URB2: variants seen among roughly 807,000 people sequenced by gnomAD.
URB2 encodes unhealthy ribosome biogenesis protein 2 homolog.
Under a neutral mutation model 120.9 loss-of-function variants are expected in URB2, and 86 were observed. That is an observed-to-expected ratio of 0.71 (90% CI 0.60 to 0.85). URB2 has a LOEUF of 0.85. Ranked by LOEUF, URB2 falls within the 40% of genes least tolerant of loss-of-function variation. The pLI is 0.00. For missense variants in URB2, 1,765 were observed against 1,836.5 expected, an observed-to-expected ratio of 0.96 and a Z score of 0.71; for synonymous variants, 755 against 758.4, an observed-to-expected ratio of 1.00 and a Z score of 0.07.
intron 4 of URB2, among the ~76,000 whole-genome samples, chr1:229,643,306 CTG>C (rs2102791706): frequency 6.6e-6 from 1 of 152,372 alleles, no homozygotes; most frequent in African/African-American, 2.4e-5. Flanking sequence ...CTGTCGTCTT[CTG>C]TGTTTGTGTG....
chr1:229,627,625 A>T lies in URB2; in HGVS notation c.-9A>T. 6.2e-7 allele frequency: 1 copy of T among 1,604,900 alleles called. No homozygotes were observed. ...CCCATTGTTTTTAAATTTTAGATAA[A>T]GCCTAGCCATGGCTGCTGTTTATTC... is the stretch of plus-strand genomic sequence containing the variant. On this transcript the variant is annotated 5_prime_UTR_variant, in exon 2 of 10. The change creates a new upstream start codon in the 5' untranslated region. Transcript: ENST00000258243.
rs200673217 is a variant in URB2, at chr1:229,645,855, C to T, written c.3796-4C>T. ...GCCGCTAAGTTTTTTCTCTCTTGCCCCAGGCTGTTGTGTCAGCTGTTACAC... is the reference window on the plus strand; with the variant it reads ...GCCGCTAAGTTTTTTCTCTCTTGCCTCAGGCTGTTGTGTCAGCTGTTACAC... On this transcript the variant is annotated splice_region_variant and splice_polypyrimidine_tract_variant and intron_variant, in intron 5 of 9. Coordinates refer to ENST00000258243, the MANE Select transcript of URB2 (RefSeq NM_014777.4). The T allele has an allele frequency of 2.0e-5, 33 of 1,613,648 alleles. No individual in the cohort carries two copies. Among genetic ancestry groups the T allele is most frequent in the Admixed American group, 1.0e-4 (6 of 59,988 alleles).
Position 229,635,928 on chromosome 1 carries a change from G to A in URB2, c.1315G>A (p.Glu439Lys), listed in dbSNP as rs764093845. Residue 439 changes from glutamate to lysine, a missense_variant, in exon 4 of 10, where the codon GAG (glutamate) becomes AAG (lysine). Physicochemically the swap from Glu to Lys is moderately conservative, Grantham distance 56. Transcript: ENST00000258243. ...DLLASAWIDA[E>K]VTEFRTKKAQ... is the part of the protein sequence containing the mutation. The stretch of plus-strand genomic sequence containing the variant: ...GCTGGCTTCAGCGTGGATCGATGCC[G>A]AGGTAACAGAGTTTCGAACCAAAAA... The A allele has an allele frequency of 3.2e-5, 52 of 1,614,094 alleles. No homozygotes were observed. The highest frequency in any genetic ancestry group is 8.9e-5 in the East Asian group (4 of 44,902).
chr1:229,631,330 A>G (rs531211807), intron 2 of URB2, among the ~76,000 whole-genome samples: 3 of 152,238 alleles, frequency 2.0e-5, no homozygotes, highest in Non-Finnish European at 1.5e-5. Flanking sequence ...AACTTTCTCC[A>G]TATCAGCAAT....
rs767394794 is a variant in URB2 at position 229,637,520 on chromosome 1, T to A, written c.2907T>A (p.Asp969Glu). 6.2e-7 allele frequency: 1 copy of A among 1,614,086 alleles called. No homozygotes were observed. ...TGTTCAAGATCATGTATGGTAGTGA[T>A]ATTTTTGAGGTTGTACTGACCTCAT... ...RSVFKIMYGS[D>E]IFEVVLTSLF... The change falls in exon 4 of 10, where the codon GAT becomes GAA. Residue 969 changes from aspartate to glutamate, a missense_variant. Physicochemically the swap from Asp to Glu is conservative, Grantham distance 45 (BLOSUM62 2). Transcript: ENST00000258243.
In URB2 at chr1:229,637,660, A is replaced by T. The variant is rs939798245; in HGVS notation, c.3047A>T (p.Lys1016Met). The change falls in exon 4 of 10, where the codon AAG (lysine) becomes ATG (methionine). Residue 1016 changes from lysine to methionine, a missense_variant. Physicochemically the swap from Lys to Met is moderately conservative, Grantham distance 95. Transcript: ENST00000258243. ...EELMQMLIQMKLSLVLNFRKI... is the reference protein window; with the variant it reads ...EELMQMLIQMMLSLVLNFRKI... ...CTAATGCAGATGCTCATCCAAATGAAGCTGAGCTTGGTGCTCAATTTTAGA... is the reference window on the plus strand; with the variant it reads ...CTAATGCAGATGCTCATCCAAATGATGCTGAGCTTGGTGCTCAATTTTAGA... 22 of 1,614,128 alleles carry T rather than the reference A, an allele frequency of 1.4e-5. No individual in the cohort carries two copies. In the African/African-American group the frequency reaches 2.1e-4, roughly 16 times the overall value.
rs148780543 is a variant in URB2, at chr1:229,645,889, C to T, written c.3826C>T (p.Leu1276=). The T allele has an allele frequency of 6.8e-6, 11 of 1,614,062 alleles. No homozygotes were observed. In the East Asian group the frequency reaches 1.8e-4, roughly 26 times the overall value. The change falls in exon 6 of 10, where the codon CTG becomes TTG. Residue 1276 remains leucine, a synonymous_variant. Transcript: ENST00000258243. ...AVVSAVTLLR[L]LLNCPLSGEK... Reference sequence around the variant, plus strand: ...TGTGTCAGCTGTTACACTGCTGAGGCTGCTACTGAACTGCCCACTCAGTGG... The same window carrying T: ...TGTGTCAGCTGTTACACTGCTGAGGTTGCTACTGAACTGCCCACTCAGTGG...
At chr1:229,650,462 G>A (rs997430845) in intron 7 of URB2, among the ~76,000 whole-genome samples, 4 of 151,640 alleles carry the variant, frequency 2.6e-5, no homozygotes, top group South Asian at 2.1e-4. Flanking sequence ...ATGGAGTCTC[G>A]CTCTGTCACT....
At chr1:229,656,333 A>G (rs1257842978) in intron 9 of URB2, among the ~76,000 whole-genome samples, 1 of 152,230 alleles carries the variant, frequency 6.6e-6, no homozygotes, top group African/African-American at 2.4e-5. Flanking sequence ...ACTAATTATT[A>G]TTCTGAAATT....
intron 4 of URB2, among the ~76,000 whole-genome samples, chr1:229,640,592 C>G (rs1387941839): frequency 6.6e-6 from 1 of 152,142 alleles, no homozygotes; most frequent in African/African-American, 2.4e-5. Context: ...GGTGGAGAAG[C>G]TGTGACGGGT....
At chr1:229,644,984 A>G (rs577076960) in intron 5 of URB2, among the ~76,000 whole-genome samples, 2 of 152,164 alleles carry the variant, frequency 1.3e-5, no homozygotes, top group Admixed American at 6.5e-5. Flanking sequence ...CAATACTGAT[A>G]TGTATAAAAG....
chr1:229,651,221 A>T lies in URB2; in HGVS notation c.4150-14A>T, dbSNP rs1328193899. 6.3e-7 allele frequency: 1 copy of T among 1,592,972 alleles called. No individual in the cohort carries two copies. The highest frequency in any genetic ancestry group is 8.5e-7 in the Non-Finnish European group (1 of 1,172,634). On this transcript the variant is annotated splice_polypyrimidine_tract_variant and intron_variant, in intron 7 of 9. Transcript: ENST00000258243. ...CACGTATGTACTTTTACATTCTGTTATCTGTCATTACAGGTAATGCTGAAA... is the reference window on the plus strand; with the variant it reads ...CACGTATGTACTTTTACATTCTGTTTTCTGTCATTACAGGTAATGCTGAAA...
In URB2 at chr1:229,646,874, G is replaced by A. The variant is rs190189371; in HGVS notation, c.3907-636G>A. Among the ~76,000 whole-genome samples the A allele has an allele frequency of 3.2e-3, 490 of 152,224 alleles. 4 individuals carry two copies. The highest frequency in any genetic ancestry group is 0.011 in the African/African-American group (465 of 41,528). On this transcript the variant is annotated intron_variant, in intron 6 of 9. Coordinates refer to ENST00000258243, the MANE Select transcript of URB2 (RefSeq NM_014777.4). Reference sequence around the variant, plus strand: ...GTTGCTACCTGAGACAATTGCCCTGGGTTAGCATGTTCCTGGGGCAAAAGG... The same window carrying A: ...GTTGCTACCTGAGACAATTGCCCTGAGTTAGCATGTTCCTGGGGCAAAAGG...
At position 229,635,179 on chromosome 1, in the gene URB2, A is replaced by AC; in HGVS notation, c.569dup (p.Arg191LysfsTer48). On this transcript the variant is annotated frameshift_variant, in exon 4 of 10. Transcript: ENST00000258243. LOFTEE classifies it high-confidence loss of function. Reference sequence around the variant, plus strand: ...CTCTTGATCCTGCAGCAGCAGGTCAACCCAAGACGTGCCTTTGGGGATGTG... The same window carrying AC: ...CTCTTGATCCTGCAGCAGCAGGTCAACCCCAAGACGTGCCTTTGGGGATGTG... 6.2e-7 allele frequency: 1 copy of AC among 1,614,002 alleles called. No individual in the cohort carries two copies. The highest frequency in any genetic ancestry group is 8.5e-7 in the Non-Finnish European group (1 of 1,179,978).
chr1:229,650,127 C>T (rs889592310), intron 7 of URB2, among the ~76,000 whole-genome samples: 1 of 152,048 alleles, frequency 6.6e-6, no homozygotes, highest in Non-Finnish European at 1.5e-5. Context: ...AGAATAATCC[C>T]GACACTTGAC....
chr1:229,659,288 T>C lies in URB2; in HGVS notation c.4566T>C (p.Tyr1522=), dbSNP rs1666469733. 1.2e-6 allele frequency: 2 copies of C among 1,613,408 alleles called. No homozygotes were observed. The highest frequency in any genetic ancestry group is 1.7e-6 in the Non-Finnish European group (2 of 1,179,696). ...CCAAACATGAAGGAGAGAAAAGATA[T>C]ACGGCCTAAGGCTATGGGACAGAAG... The part of the protein sequence containing the change: ...HKAKHEGEKR[Y]TA Residue 1522 remains tyrosine (Y), a synonymous_variant, in exon 10 of 10, where the codon TAT becomes TAC. Coordinates refer to ENST00000258243, the MANE Select transcript of URB2 (RefSeq NM_014777.4).
intron 2 of URB2, 90 bp from the exon 3 acceptor site, chr1:229,632,179 T>G: frequency 8.2e-7 from 1 of 1,221,882 alleles, no homozygotes; most frequent in Non-Finnish European, 1.1e-6. Flanking sequence ...GGCAATTGGA[T>G]TTGCTTATAC....
In URB2 at chr1:229,629,565, A is replaced by C. The variant is rs184717714; in HGVS notation, c.126+1806A>C. On this transcript the variant is annotated intron_variant, in intron 2 of 9. Transcript: ENST00000258243. ...AGAATGCAATAGCATTATGCCTAAA[A>C]AAAGTACATATCTTAATTTTAAAAA... Among the ~76,000 whole-genome samples the C allele has an allele frequency of 1.9e-3, 284 of 152,342 alleles. 5 individuals carry two copies. The highest frequency in any genetic ancestry group is 0.016 in the Admixed American group (247 of 15,306).
At chr1:229,643,864 A>G (rs978267582) in intron 5 of URB2, among the ~76,000 whole-genome samples, 171 bp downstream of exon 5, 27 of 152,262 alleles carry the variant, frequency 1.8e-4, no homozygotes, top group African/African-American at 5.8e-4. Flanking sequence ...GGGACAGCCC[A>G]GGCTGCGGCA....
Sources: gnomAD v4.1 joint callset for allele counts (sites outside exome capture counted in the v4.1 genomes callset) on GRCh38, gnomAD v4.1.1 for gene constraint, MANE v1.5 for transcripts, NCBI Gene and HGNC (gene_info 2026-07-23, HGNC 2026-07-21) for gene names.